HS3ST1: variants seen among roughly 807,000 people sequenced by gnomAD.
The protein encoded by HS3ST1 is heparan sulfate-glucosamine 3-sulfotransferase 1.
HS3ST1 carries 8 observed loss-of-function variants against 20.7 expected under a neutral mutation model. The ratio of observed to expected loss-of-function variants is 0.39; its 90% CI spans 0.23 to 0.70. The LOEUF is 0.70. Ranked by LOEUF, HS3ST1 falls within the 30% of genes least tolerant of loss-of-function variation. The pLI is 0.46. For missense variants in HS3ST1, 436 were observed against 423.4 expected (o/e 1.03, Z -0.26); for synonymous variants, 205 against 190.4 (o/e 1.08, Z -0.63).
Position 11,393,904 on chromosome 4 carries a change from A to G in HS3ST1, c.*5178T>C, listed in dbSNP as rs762231929. 6.6e-6 allele frequency: 1 copy of G among 152,222 alleles called. No individual in the cohort carries two copies. 9.4% of individuals were successfully genotyped at this position (152,222 alleles called of 1,614,324 possible). A position where few individuals can be genotyped will look rare whatever the true frequency, so the allele number is the denominator to read the frequency against. On this transcript the variant is annotated 3_prime_UTR_variant, in exon 2 of 2. Coordinates refer to ENST00000002596, the MANE Select transcript of HS3ST1 (RefSeq NM_005114.4). ...TAAGAGAAATCCTTCAGAAAATAGT[A>G]CAGAAGACAATCTTTGTGGCAGCTG...
At chr4:11,426,273 C>A (rs1465607708) in intron 1 of HS3ST1, among the ~76,000 whole-genome samples, 1 of 152,118 alleles carries the variant, frequency 6.6e-6, no homozygotes, top group African/African-American at 2.4e-5. Context: ...CAATTTACAC[C>A]ACCCAGGCCA....
intron 1 of HS3ST1, among the ~76,000 whole-genome samples, chr4:11,402,095 T>G (rs1179501932): frequency 6.6e-6 from 1 of 152,244 alleles, no homozygotes; most frequent in African/African-American, 2.4e-5. Flanking sequence ...GTTTCAAAAT[T>G]TACTTCATTA....
intron 1 of HS3ST1, among the ~76,000 whole-genome samples, chr4:11,410,566 G>C (rs1014025276): frequency 1.3e-5 from 2 of 152,168 alleles, no homozygotes. Flanking sequence ...CACAGCTTGA[G>C]AGGCTGCAGT....
chr4:11,399,366 T>C lies in HS3ST1; in HGVS notation c.640A>G (p.Ile214Val). ...CTGATGAGGCGGTCGCCGTCCACAA[T>C]GTGGATGTGGCGCAGCGGGAAAAAG... ...LRFFPLRHIH[I>V]VDGDRLIRDP... The change falls in exon 2 of 2, where the codon ATT becomes GTT. Residue 214 changes from isoleucine to valine, a missense_variant. Physicochemically the swap from Ile to Val is conservative, Grantham distance 29. Transcript: ENST00000002596. The surrounding 1 kb of genome is among the most constrained non-coding windows in gnomAD (Gnocchi z 5.1). 1 of 1,613,984 alleles carries C rather than the reference T, an allele frequency of 6.2e-7. No homozygotes were observed. The highest frequency in any genetic ancestry group is 8.5e-7 in the Non-Finnish European group (1 of 1,180,002).
At position 11,399,486 on chromosome 4, in the gene HS3ST1, T is replaced by G; in HGVS notation, c.520A>C (p.Ile174Leu). The G allele has an allele frequency of 6.2e-7, 1 of 1,614,062 alleles. No individual in the cohort carries two copies. Among genetic ancestry groups the G allele is most frequent in the Non-Finnish European group, 8.5e-7 (1 of 1,180,002 alleles). Residue 174 changes from isoleucine (I) to leucine (L), a missense_variant, in exon 2 of 2, where the codon ATC (isoleucine) becomes CTC (leucine). Ile to Leu is a conservative substitution (Grantham distance 5). Coordinates refer to ENST00000002596, the MANE Select transcript of HS3ST1 (RefSeq NM_005114.4). The surrounding 1 kb of genome is among the most constrained non-coding windows in gnomAD (Gnocchi z 5.1). ...HMQKHKPYPS[I>L]EEFLVRDGRL... is the part of the protein sequence containing the mutation. ...CCATCGCGCACCAGGAACTCCTCGA[T>G]GGACGGGTAGGGCTTGTGCTTCTGC...
At chr4:11,410,243 T>C (rs1166712244) in intron 1 of HS3ST1, among the ~76,000 whole-genome samples, 2 of 152,000 alleles carry the variant, frequency 1.3e-5, no homozygotes, top group Non-Finnish European at 2.9e-5. Flanking sequence ...AAGATGCACG[T>C]GGAAGGAATG....
chr4:11,408,546 G>A lies in HS3ST1; in HGVS notation c.-108-8433C>T, dbSNP rs139314315. On this transcript the variant is annotated intron_variant, in intron 1 of 1. Transcript: ENST00000002596. The stretch of plus-strand genomic sequence containing the variant: ...CTTCATAAAGGGCTCCTGAACGAAT[G>A]ATGAGCAGCCAGGTGTGTGCAGTGG... 1.7e-3 allele frequency among the ~76,000 whole-genome samples: 263 copies of A among 152,360 alleles called. 2 individuals carry two copies. Among genetic ancestry groups the A allele is most frequent in the Admixed American group, 4.0e-3 (61 of 15,302 alleles).
In HS3ST1 at chr4:11,421,710, A is replaced by G. The variant is rs550895066; in HGVS notation, c.-109+6989T>C. Among the ~76,000 whole-genome samples, 20 of 152,364 alleles carry G rather than the reference A, an allele frequency of 1.3e-4. No homozygotes were observed. The South Asian group carries it at 3.9e-3, about 30-fold the overall frequency. The stretch of plus-strand genomic sequence containing the variant: ...GAAATAGAAGTTCTTGAGGGATGAA[A>G]GGAGATGTGAATGTTTCACATCTAA... On this transcript the variant is annotated intron_variant, in intron 1 of 1. Transcript: ENST00000002596.
chr4:11,409,107 C>T (rs997264830), intron 1 of HS3ST1, among the ~76,000 whole-genome samples: 1 of 152,168 alleles, frequency 6.6e-6, no homozygotes, highest in Admixed American at 6.5e-5. Flanking sequence ...GTCAGGCCTG[C>T]AGGGACTGAA....
chr4:11,420,229 A>G (rs1718894388), intron 1 of HS3ST1, among the ~76,000 whole-genome samples: 7 of 152,260 alleles, frequency 4.6e-5, no homozygotes, highest in Admixed American at 4.6e-4. Flanking sequence ...TGCTTTGGAA[A>G]GACCACACGC....
intron 1 of HS3ST1, among the ~76,000 whole-genome samples, chr4:11,417,586 G>T (rs1246597675): frequency 1.3e-5 from 2 of 152,102 alleles, no homozygotes; most frequent in Non-Finnish European, 2.9e-5. Flanking sequence ...TAAAAGTCCT[G>T]CACTTAAACA....
chr4:11,424,639 A>C (rs1473873317), intron 1 of HS3ST1, among the ~76,000 whole-genome samples: 1 of 152,190 alleles, frequency 6.6e-6, no homozygotes, highest in Non-Finnish European at 1.5e-5. Context: ...AGGCACATCA[A>C]GATGGTGTTG....
intron 1 of HS3ST1, among the ~76,000 whole-genome samples, chr4:11,428,098 GA>G (rs11343014): frequency 0.037 from 5,638 of 152,258 alleles, 182 homozygotes; most frequent in African/African-American, 0.096. Context: ...AAAGTAACAA[GA>G]AAAAAATCAA....
rs1170446577 is a variant in HS3ST1, at chr4:11,399,572, A to G, written c.434T>C (p.Ile145Thr). The G allele has an allele frequency of 6.2e-7, 1 of 1,613,842 alleles. No homozygotes were observed. Among genetic ancestry groups the G allele is most frequent in the Admixed American group, 1.7e-5 (1 of 60,034 alleles). ...SMNPSIRLLL[I>T]LRDPSERVLS... is the part of the protein sequence containing the mutation. Reference sequence around the variant, plus strand: ...CACGCGCTCCGACGGGTCTCGCAGGATGAGCAGCAGCCGGATGGACGGGTT... The same window carrying G: ...CACGCGCTCCGACGGGTCTCGCAGGGTGAGCAGCAGCCGGATGGACGGGTT... Residue 145 changes from isoleucine (I) to threonine (T), a missense_variant, in exon 2 of 2, where the codon ATC becomes ACC. Transcript: ENST00000002596. The surrounding 1 kb of genome is among the most constrained non-coding windows in gnomAD (Gnocchi z 5.1).
chr4:11,426,076 C>G (rs547389245), intron 1 of HS3ST1, among the ~76,000 whole-genome samples: 12 of 152,288 alleles, frequency 7.9e-5, no homozygotes, highest in South Asian at 2.1e-4. Flanking sequence ...GATGCAGGCC[C>G]GGAAACCTGG....
chr4:11,402,579 A>G (rs1167003427), intron 1 of HS3ST1, among the ~76,000 whole-genome samples: 4 of 151,590 alleles, frequency 2.6e-5, no homozygotes. Flanking sequence ...GTATGCATGC[A>G]TGTGTGTGTG....
chr4:11,407,894 G>A (rs894101243), intron 1 of HS3ST1, among the ~76,000 whole-genome samples: 3 of 152,206 alleles, frequency 2.0e-5, no homozygotes, highest in African/African-American at 7.2e-5. Context: ...GCATGGCTAG[G>A]ACCCTGTGAG....
chr4:11,422,685 C>A (rs1718968706), intron 1 of HS3ST1, among the ~76,000 whole-genome samples: 1 of 152,040 alleles, frequency 6.6e-6, no homozygotes, highest in African/African-American at 2.4e-5. Context: ...AGAAGGTGTA[C>A]CAGAGTCTCC....
chr4:11,434,294 C>T (rs1381924044), upstream of HS3ST1, among the ~76,000 whole-genome samples: 1 of 152,102 alleles, frequency 6.6e-6, no homozygotes, highest in South Asian at 2.1e-4. Context: ...TTCTTTTTAA[C>T]AAAAATTAAT....
Sources: allele counts gnomAD v4.1 joint callset (sites outside exome capture counted in the v4.1 genomes callset), GRCh38; gene constraint gnomAD v4.1.1; non-coding constraint Gnocchi (gnomAD v3.1); transcripts MANE v1.5; gene names NCBI Gene and HGNC (gene_info 2026-07-23, HGNC 2026-07-21).